MROH7: variants seen among roughly 807,000 people sequenced by gnomAD.
MROH7 encodes the protein maestro heat-like repeat-containing protein family member 7.
MROH7 carries 113 observed loss-of-function variants against 129.2 expected under a neutral mutation model. That is an observed-to-expected ratio of 0.87 (90% CI 0.75 to 1.02). The LOEUF is 1.02. Ranked by LOEUF, MROH7 falls within the 50% of genes least tolerant of loss-of-function variation. The pLI, the probability that MROH7 is intolerant of heterozygous loss-of-function variation, is 0.00. For missense variants in MROH7, 1,601 were observed against 1,671.3 expected, an observed-to-expected ratio of 0.96 and a Z score of 0.73; for synonymous variants, 655 against 667.9, an observed-to-expected ratio of 0.98 and a Z score of 0.30.
intron 13 of MROH7, among the ~76,000 whole-genome samples, 195 bp from the exon 14 acceptor site, chr1:54,682,461 C>G (rs947471479): frequency 6.6e-6 from 1 of 152,152 alleles, no homozygotes. Flanking sequence ...AGCCACCATG[C>G]CCACCAAGGA....
At chr1:54,646,496 T>C (rs1644469526) in intron 1 of MROH7, among the ~76,000 whole-genome samples, 1 of 152,262 alleles carries the variant, frequency 6.6e-6, no homozygotes, top group African/African-American at 2.4e-5. Flanking sequence ...CTTCAAGTCC[T>C]GAGATGCCTA....
chr1:54,658,483 C>A (rs1223270737), intron 3 of MROH7, among the ~76,000 whole-genome samples: 1 of 152,138 alleles, frequency 6.6e-6, no homozygotes, highest in Non-Finnish European at 1.5e-5. Context: ...TTAATAGGAG[C>A]ATTTTGTCCA....
rs1065173 is a variant in MROH7, at chr1:54,701,169, C to T, written c.3132C>T (p.Pro1044=). 487,960 of 1,613,564 alleles carry T rather than the reference C, an allele frequency of 0.3. 75,936 individuals carry two copies. Among genetic ancestry groups the T allele is most frequent in the South Asian group, 0.32 (29,186 of 91,038 alleles). The change falls in exon 19 of 24, where the codon CCC becomes CCT. Residue 1044 remains proline (P), a synonymous_variant. Transcript: ENST00000421030. ...EKTAKVKALL[P]SMVKGLKNMD... The stretch of plus-strand genomic sequence containing the variant: ...CCGCCAAGGTGAAGGCCCTCCTGCC[C>T]TCCATGGTGAAGGGCCTGAAGAACA...
At chr1:54,645,246 T>A (rs1165493123) in intron 1 of MROH7, among the ~76,000 whole-genome samples, 3 of 152,148 alleles carry the variant, frequency 2.0e-5, no homozygotes, top group Non-Finnish European at 4.4e-5. Flanking sequence ...TTTTACTGCA[T>A]CTTTGACATT....
intron 3 of MROH7, among the ~76,000 whole-genome samples, chr1:54,662,983 G>C (rs56106192): frequency 0.19 from 28,517 of 152,070 alleles, 3,319 homozygotes; most frequent in Middle Eastern, 0.25. Flanking sequence ...CAGAAGTGAC[G>C]CTGGGTTTTT....
chr1:54,652,775 C>A, intron 2 of MROH7, 78 bp from the exon 3 acceptor site: 1 of 1,077,588 alleles, frequency 9.3e-7, no homozygotes, highest in Non-Finnish European at 1.3e-6. Context: ...AAGGGGCTTT[C>A]ATCTTAAGAA....
Position 54,702,263 on chromosome 1 carries a change from C to T in MROH7, c.3441+18C>T. The T allele has an allele frequency of 1.4e-6, 2 of 1,447,056 alleles. No individual in the cohort carries two copies. Among genetic ancestry groups the T allele is most frequent in the Non-Finnish European group, 1.8e-6 (2 of 1,091,036 alleles). The allele number at this position is 1,447,056 out of a possible 1,614,324, so 89.6% of individuals were successfully genotyped here. A position where few individuals can be genotyped will look rare whatever the true frequency, so the allele number is the denominator to read the frequency against. ...TAAGCCAGGTGAGTGTGCGTGGGCC[C>T]TGCACCCTCTACCCCTCCCTCGGGT... On this transcript the variant is annotated intron_variant, in intron 20 of 23. Transcript: ENST00000421030.
intron 2 of MROH7, 86 bp from the exon 3 acceptor site, chr1:54,652,767 G>A: frequency 2.0e-6 from 2 of 987,936 alleles, no homozygotes; most frequent in Non-Finnish European, 2.9e-6. Flanking sequence ...GTCACAGCAA[G>A]GGGCTTTCAT....
At chr1:54,665,335 T>C in intron 4 of MROH7, 95 bp downstream of exon 4, 2 of 857,390 alleles carry the variant, frequency 2.3e-6, no homozygotes, top group Non-Finnish European at 3.8e-6. Context: ...GCATTCCCCA[T>C]GCCTCTGCCC....
chr1:54,709,217 G>T (rs1204452306), intron 23 of MROH7, 141 bp downstream of exon 23: 1 of 741,680 alleles, frequency 1.3e-6, no homozygotes, highest in Non-Finnish European at 2.3e-6. Context: ...TTTTTTGTTT[G>T]TTTGTTTGTT....
intron 14 of MROH7, among the ~76,000 whole-genome samples, chr1:54,685,902 G>C (rs923162273): frequency 2.6e-5 from 4 of 152,162 alleles, no homozygotes; most frequent in Non-Finnish European, 5.9e-5. Context: ...TGGTGACCTT[G>C]AGCTAGCAGC....
In MROH7 at chr1:54,679,387, AGGTCATGCTCAGCTC is replaced by A; in HGVS notation, c.2178_2192del (p.Met727_Val731del). 6.2e-7 allele frequency: 1 copy of A among 1,614,072 alleles called. No homozygotes were observed. The highest frequency in any genetic ancestry group is 8.5e-7 in the Non-Finnish European group (1 of 1,180,010). ...AGGGAGATGATGCAGCTGGCCTCGG[AGGTCATGCTCAGCTC>A]GGTGCTGGAGTGGTACCGCCACAGG... is the stretch of plus-strand genomic sequence containing the variant. On this transcript the variant is annotated inframe_deletion, in exon 12 of 24. Coordinates refer to ENST00000421030, the MANE Select transcript of MROH7 (RefSeq NM_001039464.4).
chr1:54,697,741 G>A (rs989784230), intron 17 of MROH7: 9 of 698,108 alleles, frequency 1.3e-5, no homozygotes, highest in African/African-American at 1.7e-5. Flanking sequence ...AGTCCAGAGA[G>A]ATTCAGAACA....
chr1:54,700,733 A>G (rs1435279700), intron 18 of MROH7, among the ~76,000 whole-genome samples: 1 of 152,262 alleles, frequency 6.6e-6, no homozygotes, highest in Non-Finnish European at 1.5e-5. Context: ...CCTATTTTAC[A>G]GATAAGGAAA....
chr1:54,687,221 C>T (rs1275113046), intron 15 of MROH7, among the ~76,000 whole-genome samples: 2 of 152,160 alleles, frequency 1.3e-5, no homozygotes, highest in Non-Finnish European at 2.9e-5. Context: ...TTACCAGCAT[C>T]TGCCACCATG....
intron 4 of MROH7, 69 bp downstream of exon 4, chr1:54,665,309 C>A (rs1644795378): frequency 1.7e-6 from 2 of 1,193,352 alleles, no homozygotes; most frequent in East Asian, 4.8e-5. Context: ...CCCTACCCCC[C>A]AGCCCAGCAG....
In MROH7 at chr1:54,653,770, G is replaced by A. The variant is rs780858526; in HGVS notation, c.844G>A (p.Gly282Ser). The change falls in exon 3 of 24, where the codon GGC (glycine) becomes AGC (serine). Residue 282 changes from glycine to serine, a missense_variant. Gly to Ser is a moderately conservative substitution (Grantham distance 56). Coordinates refer to ENST00000421030, the MANE Select transcript of MROH7 (RefSeq NM_001039464.4). ...GGAAACCATGAATGTGGCTTCCAGC[G>A]GCCACTCCAGATCTGATTTGAGCGT... is the stretch of plus-strand genomic sequence containing the variant. ...SKETMNVASS[G>S]HSRSDLSVTI... 232 of 1,613,996 alleles carry A rather than the reference G, an allele frequency of 1.4e-4. No homozygotes were observed. Among genetic ancestry groups the A allele is most frequent in the Non-Finnish European group, 1.9e-4 (220 of 1,180,026 alleles).
chr1:54,653,619 T>C lies in MROH7; in HGVS notation c.693T>C (p.Asn231=). ...GAAACACCTCCAAGCTGAACCTGAA[T>C]GTAGCTCCAGATTCTCATGGGACCC... is the stretch of plus-strand genomic sequence containing the variant. The part of the protein sequence containing the change: ...GSRNTSKLNL[N]VAPDSHGTLI... The change falls in exon 3 of 24, where the codon AAT becomes AAC. Residue 231 remains asparagine (N), a synonymous_variant. Transcript: ENST00000421030. 1 of 1,614,156 alleles carries C rather than the reference T, an allele frequency of 6.2e-7. No homozygotes were observed. The highest frequency in any genetic ancestry group is 1.1e-5 in the South Asian group (1 of 91,074).
Position 54,700,382 on chromosome 1 carries a change from A to C in MROH7, c.3026A>C (p.Glu1009Ala), listed in dbSNP as rs1351011082. 1 of 1,614,098 alleles carries C rather than the reference A, an allele frequency of 6.2e-7. No individual in the cohort carries two copies. Among genetic ancestry groups the C allele is most frequent in the Admixed American group, 1.7e-5 (1 of 60,014 alleles). The change falls in exon 18 of 24, where the codon GAA becomes GCA. Residue 1009 changes from glutamate (E) to alanine (A), a missense_variant. Glu to Ala is a moderately radical substitution (Grantham distance 107, BLOSUM62 -1). Transcript: ENST00000421030. ...PEEYSLGRMA[E>A]GLSHHDPIMK... ...GAATACTCTCTGGGGCGGATGGCAG[A>C]AGGCCTGAGCCACCACGACCCCATC...
Sources: allele counts gnomAD v4.1 joint callset (sites outside exome capture counted in the v4.1 genomes callset), GRCh38; gene constraint gnomAD v4.1.1; transcripts MANE v1.5; gene names NCBI Gene and HGNC (gene_info 2026-07-23, HGNC 2026-07-21).